Variants in PIEZO1 observed in about 807,000 individuals in gnomAD.
The protein encoded by PIEZO1 is piezo type mechanosensitive ion channel component 1 (Er blood group).
PIEZO1 carries 296 observed loss-of-function variants against 297.2 expected under a neutral mutation model. That is an observed-to-expected ratio of 1.00 (90% CI 0.91 to 1.10). The LOEUF (loss-of-function observed/expected upper bound fraction) is 1.10. PIEZO1 is among the 50% of genes least tolerant of loss of function. The pLI, the probability that PIEZO1 is intolerant of heterozygous loss-of-function variation, is 0.00. For synonymous variants in PIEZO1, 2,427 were observed against 1,507.5 expected, an observed-to-expected ratio of 1.61 and a Z score of -14.13; for missense variants, 5,018 against 3,455.5, an observed-to-expected ratio of 1.45 and a Z score of -11.34.
chr16:88,762,618 G>A (rs1567689991), intron 1 of PIEZO1, among the ~76,000 whole-genome samples: 1 of 152,218 alleles, frequency 6.6e-6, no homozygotes, highest in South Asian at 2.1e-4. Flanking sequence ...GGCAGCCAAG[G>A]CAAGGAAGGG....
At chr16:88,747,216 G>A (rs1906106739) in intron 2 of PIEZO1, among the ~76,000 whole-genome samples, 1 of 147,024 alleles carries the variant, frequency 6.8e-6, no homozygotes, top group Non-Finnish European at 1.5e-5. Flanking sequence ...GGGCAACCAA[G>A]CAAGACCCCC....
At chr16:88,752,134 C>G (rs1025387212) in intron 1 of PIEZO1, among the ~76,000 whole-genome samples, 1 of 152,180 alleles carries the variant, frequency 6.6e-6, no homozygotes, top group Admixed American at 6.5e-5. Flanking sequence ...GATGGCTGCA[C>G]AACAATGCGA....
intron 1 of PIEZO1, among the ~76,000 whole-genome samples, chr16:88,753,796 G>A (rs1025952104): frequency 6.6e-6 from 1 of 152,252 alleles, no homozygotes; most frequent in African/African-American, 2.4e-5. Flanking sequence ...GGAGACTTCA[G>A]AGCAGGCTGC....
intron 1 of PIEZO1, among the ~76,000 whole-genome samples, chr16:88,783,190 G>A (rs545544831): frequency 1.3e-5 from 2 of 152,136 alleles, no homozygotes; most frequent in Non-Finnish European, 2.9e-5. Flanking sequence ...GATCCCCCAC[G>A]CGGATAGCAA....
intron 2 of PIEZO1, among the ~76,000 whole-genome samples, chr16:88,746,468 C>A (rs13336620): frequency 6.6e-6 from 1 of 151,388 alleles, no homozygotes; most frequent in East Asian, 1.9e-4. Context: ...CCAGCCCCAG[C>A]CCCTACCCCT....
chr16:88,736,048 T>G, intron 12 of PIEZO1, 100 bp downstream of exon 12: 1 of 1,227,170 alleles, frequency 8.1e-7, no homozygotes, highest in African/African-American at 1.5e-5. Context: ...TCTGCCTTCT[T>G]GGCGCTGCCA....
chr16:88,780,409 C>T (rs1486614565), intron 1 of PIEZO1, among the ~76,000 whole-genome samples: 9 of 152,268 alleles, frequency 5.9e-5, no homozygotes, highest in East Asian at 3.9e-4. Context: ...GGGGGGGTCC[C>T]ACCTCACAGT....
intron 1 of PIEZO1, among the ~76,000 whole-genome samples, chr16:88,773,168 A>G (rs552162786): frequency 7.2e-5 from 11 of 152,330 alleles, no homozygotes; most frequent in Admixed American, 5.9e-4. Context: ...CCTGGGTCTC[A>G]TTGATTCAGG....
At position 88,726,657 on chromosome 16, in the gene PIEZO1, G is replaced by GCT; in HGVS notation, c.3700-15_3700-14insAG. On this transcript the variant is annotated splice_polypyrimidine_tract_variant and intron_variant, in intron 25 of 50. Coordinates refer to ENST00000301015, the MANE Select transcript of PIEZO1 (RefSeq NM_001142864.4). The stretch of plus-strand genomic sequence containing the variant: ...GCAGGCCAGGAGCTGGGGGAGAGCA[G>GCT]GGTCAGCGGGGCCAGCGGGGCCCCA... 1 of 1,544,622 alleles carries GCT rather than the reference G, an allele frequency of 6.5e-7. No homozygotes were observed. The highest frequency in any genetic ancestry group is 8.7e-7 in the Non-Finnish European group (1 of 1,143,318).
At chr16:88,741,969 T>C (rs1234520040) in intron 4 of PIEZO1, 84 bp downstream of exon 4, 3 of 1,431,304 alleles carry the variant, frequency 2.1e-6, no homozygotes, top group East Asian at 2.5e-5. Flanking sequence ...GGTCCCCCTC[T>C]GTCCCTCCTG....
intron 1 of PIEZO1, among the ~76,000 whole-genome samples, chr16:88,782,846 C>T (rs1907996798): frequency 4.6e-5 from 1 of 21,900 alleles, no homozygotes; most frequent in South Asian, 1.6e-3. Context: ...TCCCGGCCAG[C>T]AGGCAGGCAG....
intron 1 of PIEZO1, among the ~76,000 whole-genome samples, chr16:88,760,022 G>A (rs1417734243): frequency 5.9e-5 from 9 of 151,810 alleles, no homozygotes; most frequent in East Asian, 3.9e-4. Flanking sequence ...CCTTCTCCGC[G>A]CCAATCCCCA....
chr16:88,730,832 C>A (rs1290069952), intron 22 of PIEZO1, among the ~76,000 whole-genome samples: 1 of 152,220 alleles, frequency 6.6e-6, no homozygotes, highest in Non-Finnish European at 1.5e-5. Flanking sequence ...TCTTGGAAAG[C>A]AGCCAGTAAC....
At chr16:88,754,491 G>A (rs189976594) in intron 1 of PIEZO1, among the ~76,000 whole-genome samples, 59 of 152,304 alleles carry the variant, frequency 3.9e-4, no homozygotes, top group African/African-American at 1.3e-3. Flanking sequence ...ACCCACGCCC[G>A]GGTGGGAGAG....
At chr16:88,723,193 T>G in intron 32 of PIEZO1, 33 bp downstream of exon 32, 1 of 1,549,168 alleles carries the variant, frequency 6.5e-7, no homozygotes, top group Non-Finnish European at 8.7e-7. Context: ...GTCCCGCGGC[T>G]TCCCCTCAGA....
intron 44 of PIEZO1, 113 bp downstream of exon 44, chr16:88,719,461 C>A: frequency 9.6e-7 from 1 of 1,038,754 alleles, no homozygotes. Flanking sequence ...CCATGGGCTC[C>A]GAGCCCTGGG....
At position 88,758,166 on chromosome 16, in the gene PIEZO1, C is replaced by T. The variant is rs376808570; in HGVS notation, c.65-8687G>A. 6.6e-5 allele frequency among the ~76,000 whole-genome samples: 10 copies of T among 152,212 alleles called. No individual in the cohort carries two copies. The South Asian group carries it at 2.1e-3, about 32-fold the overall frequency. On this transcript the variant is annotated intron_variant, in intron 1 of 50. Transcript: ENST00000301015. ...GGGTTCCTGGAAGCGGCTGCCCGGA[C>T]TCTCCTCCCACAAGGAGATGGCCAT... is the stretch of plus-strand genomic sequence containing the variant.
Position 88,732,229 on chromosome 16 carries a change from A to C in PIEZO1, c.2991+106T>G, listed in dbSNP as rs1043490085. The C allele has an allele frequency of 3.0e-6, 3 of 988,456 alleles. No homozygotes were observed. In the Admixed American group the frequency reaches 6.4e-5, roughly 21 times the overall value. The allele number at this position is 988,456 out of a possible 1,614,324, so 61.2% of individuals were successfully genotyped here. On this transcript the variant is annotated intron_variant, in intron 21 of 50. Coordinates refer to ENST00000301015, the MANE Select transcript of PIEZO1 (RefSeq NM_001142864.4). ...CTGAGTCCCCCACCCTCTGTGGCCCAGGCAAACCCAGGTGGGGCCAGGCTT... is the reference window on the plus strand; with the variant it reads ...CTGAGTCCCCCACCCTCTGTGGCCCCGGCAAACCCAGGTGGGGCCAGGCTT...
chr16:88,760,352 A>C (rs1222267218), intron 1 of PIEZO1, among the ~76,000 whole-genome samples: 1 of 152,214 alleles, frequency 6.6e-6, no homozygotes, highest in African/African-American at 2.4e-5. Flanking sequence ...AGAGAAACTC[A>C]AGAAAAAGCC....
Sources: gnomAD v4.1 joint callset for allele counts (sites outside exome capture counted in the v4.1 genomes callset) on GRCh38, gnomAD v4.1.1 for gene constraint, MANE v1.5 for transcripts, NCBI Gene and HGNC (gene_info 2026-07-23, HGNC 2026-07-21) for gene names.